Variants in PRKAG2 observed in about 807,000 individuals in gnomAD.
PRKAG2 encodes the protein 5'-AMP-activated protein kinase subunit gamma-2.
In PRKAG2, 26 loss-of-function variants were observed where a neutral mutation model predicts 69.6. The ratio of observed to expected loss-of-function variants is 0.37; its 90% CI spans 0.27 to 0.52. PRKAG2 has a LOEUF of 0.52. PRKAG2 is among the 20% of genes least tolerant of loss of function. The probability of loss-of-function intolerance (pLI) is 0.90; values close to 1 mark genes in which losing one functional copy is unlikely to be tolerated. For synonymous variants in PRKAG2, 293 were observed against 285.0 expected, an observed-to-expected ratio of 1.03 and a Z score of -0.28; for missense variants, 557 against 740.0, an observed-to-expected ratio of 0.75 and a Z score of 2.87.
At position 151,807,801 on chromosome 7, in the gene PRKAG2, C is replaced by T. The variant is rs918391610; in HGVS notation, c.115-21260G>A. On this transcript the variant is annotated intron_variant, in intron 1 of 15. Transcript: ENST00000287878. The surrounding 1 kb of genome is among the most constrained non-coding windows in gnomAD (Gnocchi z 4.4). ...GGCGGGTTATTGGATTAGCTACTCT[C>T]AGAAGACCCAAAAGGCATAGGGGAG... Among the ~76,000 whole-genome samples, 2 of 152,158 alleles carry T rather than the reference C, an allele frequency of 1.3e-5. No homozygotes were observed. The highest frequency in any genetic ancestry group is 4.8e-5 in the African/African-American group (2 of 41,434).
chr7:151,868,743 C>T (rs1325274956), intron 1 of PRKAG2, among the ~76,000 whole-genome samples: 5 of 152,120 alleles, frequency 3.3e-5, no homozygotes, highest in South Asian at 2.1e-4. Context: ...TGGCTCTACT[C>T]GGTAACCTTA....
chr7:151,631,710 G>A (rs112418636), intron 5 of PRKAG2: 62 of 460,892 alleles, frequency 1.3e-4, no homozygotes, highest in African/African-American at 1.1e-3. Context: ...GGTATGATTC[G>A]GGGTTGCCTC....
At chr7:151,694,559 A>G (rs1260535920) in intron 3 of PRKAG2, among the ~76,000 whole-genome samples, 2 of 152,148 alleles carry the variant, frequency 1.3e-5, no homozygotes, top group Non-Finnish European at 2.9e-5. Context: ...CTGTCCCTTC[A>G]TGACTGCGTT....
At chr7:151,809,821 TA>T (rs750077881) in intron 1 of PRKAG2, 3 of 152,968 alleles carry the variant, frequency 2.0e-5, no homozygotes, top group Admixed American at 6.5e-5. Context: ...AGAATATTTC[TA>T]AAAGTGTCCT....
At chr7:151,561,799 G>A (rs1216768076) in intron 14 of PRKAG2, among the ~76,000 whole-genome samples, 1 of 151,976 alleles carries the variant, frequency 6.6e-6, no homozygotes, top group Non-Finnish European at 1.5e-5. Context: ...CAGAAGTGCT[G>A]GTGGGCACCT....
chr7:151,721,535 G>A (rs915953878), intron 3 of PRKAG2, among the ~76,000 whole-genome samples: 6 of 152,128 alleles, frequency 3.9e-5, no homozygotes, highest in South Asian at 2.1e-4. Flanking sequence ...CACAGGAGGC[G>A]TGCCACCCCT....
Position 151,792,101 on chromosome 7 carries a change from A to G in PRKAG2, c.115-5560T>C, listed in dbSNP as rs534130997. 3.3e-5 allele frequency among the ~76,000 whole-genome samples: 5 copies of G among 152,328 alleles called. No individual in the cohort carries two copies. The South Asian group carries it at 8.3e-4, about 25-fold the overall frequency. The stretch of plus-strand genomic sequence containing the variant: ...AGTGGTTCAGTTCCAGTAATAGAAA[A>G]ACAATTTGGTATCAGAGGCTATAAA... On this transcript the variant is annotated intron_variant, in intron 1 of 15. Transcript: ENST00000287878.
rs538786939 is a variant in PRKAG2, at chr7:151,719,720, C to T, written c.467-44083G>A. On this transcript the variant is annotated intron_variant, in intron 3 of 15. Coordinates refer to ENST00000287878, the MANE Select transcript of PRKAG2 (RefSeq NM_016203.4). The surrounding 1 kb of genome is among the most constrained non-coding windows in gnomAD (Gnocchi z 5.2). ...TGTCTTGCGATGGGCACTGTCACTC[C>T]CACCTGGCTTCCCAGAGCCTATGTG... is the stretch of plus-strand genomic sequence containing the variant. Among the ~76,000 whole-genome samples, 20 of 152,166 alleles carry T rather than the reference C, an allele frequency of 1.3e-4. No individual in the cohort carries two copies. The highest frequency in any genetic ancestry group is 2.6e-4 in the Non-Finnish European group (18 of 68,038).
In PRKAG2 at chr7:151,808,766, G is replaced by C. The variant is rs550268041; in HGVS notation, c.115-22225C>G. 5.3e-5 allele frequency among the ~76,000 whole-genome samples: 8 copies of C among 152,222 alleles called. No homozygotes were observed. The South Asian group carries it at 1.5e-3, about 28-fold the overall frequency. The stretch of plus-strand genomic sequence containing the variant: ...AAGTCTCTCCTCACAGGCGAACCAC[G>C]ACAGATGGCTGCGCGGCCTGAGGGC... On this transcript the variant is annotated intron_variant, in intron 1 of 15. Coordinates refer to ENST00000287878, the MANE Select transcript of PRKAG2 (RefSeq NM_016203.4).
intron 4 of PRKAG2, among the ~76,000 whole-genome samples, chr7:151,664,961 A>C (rs1419255995): frequency 1.3e-5 from 2 of 152,150 alleles, no homozygotes; most frequent in African/African-American, 4.8e-5. Context: ...ACTACTGGAC[A>C]TTTCCATTTT....
intron 4 of PRKAG2, among the ~76,000 whole-genome samples, chr7:151,654,911 T>A (rs1245058022): frequency 1.3e-5 from 2 of 152,204 alleles, no homozygotes; most frequent in African/African-American, 4.8e-5. Flanking sequence ...CAGGCTGGTC[T>A]CGAAATCCTG....
chr7:151,704,867 G>A (rs527498203), intron 3 of PRKAG2, among the ~76,000 whole-genome samples: 1 of 152,294 alleles, frequency 6.6e-6, no homozygotes, highest in East Asian at 1.9e-4. Flanking sequence ...GGTGCGGCAG[G>A]TTTTGAACCC....
chr7:151,764,469 G>A (rs1348491989), intron 3 of PRKAG2, among the ~76,000 whole-genome samples: 1 of 152,172 alleles, frequency 6.6e-6, no homozygotes, highest in African/African-American at 2.4e-5. Context: ...CCTGAGCTGA[G>A]GGCCTAGGGA....
chr7:151,753,665 C>T (rs1372143188), intron 3 of PRKAG2, among the ~76,000 whole-genome samples: 1 of 152,096 alleles, frequency 6.6e-6, no homozygotes, highest in Admixed American at 6.5e-5. Context: ...TGATCCACTA[C>T]CTTGGCCTCC....
chr7:151,610,736 T>C (rs960016332), intron 5 of PRKAG2, among the ~76,000 whole-genome samples: 3 of 88,562 alleles, frequency 3.4e-5, no homozygotes, highest in East Asian at 7.6e-4. Context: ...TATTTTTTCT[T>C]TTCTTTTTTT....
intron 3 of PRKAG2, among the ~76,000 whole-genome samples, chr7:151,681,713 C>T (rs1227867190): frequency 1.3e-5 from 2 of 152,138 alleles, no homozygotes; most frequent in African/African-American, 4.8e-5. Context: ...GGTCCTTTAG[C>T]GAATAAATGG....
chr7:151,572,574 A>G, intron 9 of PRKAG2, 90 bp downstream of exon 9: 1 of 930,686 alleles, frequency 1.1e-6, no homozygotes, highest in Non-Finnish European at 1.7e-6. Context: ...TGGAGCAGAG[A>G]GAAAAGGATC....
chr7:151,816,746 A>G (rs536363674), intron 1 of PRKAG2, among the ~76,000 whole-genome samples: 4 of 152,338 alleles, frequency 2.6e-5, no homozygotes, highest in South Asian at 2.1e-4. Flanking sequence ...GCCAATCTCA[A>G]TATTTTCTCC....
chr7:151,809,171 C>G (rs2078286026), intron 1 of PRKAG2: 1 of 451,150 alleles, frequency 2.2e-6, no homozygotes, highest in Non-Finnish European at 4.5e-6. Flanking sequence ...TGCCTTGGGT[C>G]TTGGCCTAAT....
Sources: allele counts gnomAD v4.1 joint callset (sites outside exome capture counted in the v4.1 genomes callset), GRCh38; gene constraint gnomAD v4.1.1; non-coding constraint Gnocchi (gnomAD v3.1); transcripts MANE v1.5; gene names NCBI Gene and HGNC (gene_info 2026-07-23, HGNC 2026-07-21).